UBE2E2: variants seen among roughly 807,000 people sequenced by gnomAD.
UBE2E2 encodes ubiquitin conjugating enzyme E2 E2.
Under a neutral mutation model 24.7 loss-of-function variants are expected in UBE2E2, and 6 were observed. That is an observed-to-expected ratio of 0.24 (90% CI 0.13 to 0.48). The LOEUF is 0.48. Among genes scored for constraint, UBE2E2 ranks in the 20% least tolerant of loss-of-function variants. UBE2E2 has a pLI of 0.99. For synonymous variants in UBE2E2, 104 were observed against 83.6 expected (o/e 1.24, Z -1.33); for missense variants, 169 against 245.0 (o/e 0.69, Z 2.07).
chr3:23,494,471 A>T (rs1337695167), intron 3 of UBE2E2, among the ~76,000 whole-genome samples: 1 of 152,224 alleles, frequency 6.6e-6, no homozygotes, highest in Non-Finnish European at 1.5e-5. Flanking sequence ...TATTTTACAC[A>T]TACAGCACAT....
rs1023608299 is a variant in UBE2E2 at position 23,540,407 on chromosome 3, T to C, written c.508+7706T>C. Among the ~76,000 whole-genome samples the C allele has an allele frequency of 3.7e-4, 56 of 151,876 alleles. 1 individual carries two copies. Among genetic ancestry groups the C allele is most frequent in the Admixed American group, 3.2e-3 (48 of 15,238 alleles). On this transcript the variant is annotated intron_variant, in intron 5 of 5. Coordinates refer to ENST00000396703, the MANE Select transcript of UBE2E2 (RefSeq NM_152653.4). Reference sequence around the variant, plus strand: ...ATGCCCTTTTGTTTGTTTGTTTGTTTGTTTGTTTGTTTGTTTTGAGACAGT... The same window carrying C: ...ATGCCCTTTTGTTTGTTTGTTTGTTCGTTTGTTTGTTTGTTTTGAGACAGT...
intron 3 of UBE2E2, among the ~76,000 whole-genome samples, chr3:23,478,046 A>C (rs1699177147): frequency 6.6e-6 from 1 of 152,252 alleles, no homozygotes; most frequent in Non-Finnish European, 1.5e-5. Flanking sequence ...TCTCCTCCAT[A>C]AATTACCCAA....
intron 3 of UBE2E2, among the ~76,000 whole-genome samples, chr3:23,267,251 T>G (rs1192359044): frequency 5.3e-5 from 8 of 150,612 alleles, no homozygotes; most frequent in East Asian, 1.9e-4. Context: ...CTTCAAAAAA[T>G]AAATGAATCC....
intron 3 of UBE2E2, among the ~76,000 whole-genome samples, chr3:23,355,655 C>G (rs1275468915): frequency 6.6e-6 from 1 of 152,102 alleles, no homozygotes; most frequent in Non-Finnish European, 1.5e-5. Context: ...TTGTGGCTGA[C>G]CAGTTTATAC....
chr3:23,580,979 T>C (rs781302573), intron 5 of UBE2E2, among the ~76,000 whole-genome samples: 29 of 152,208 alleles, frequency 1.9e-4, no homozygotes, highest in Non-Finnish European at 2.6e-4. Context: ...TAACGTCAGA[T>C]CTGATTCATG....
intron 3 of UBE2E2, among the ~76,000 whole-genome samples, chr3:23,472,275 C>T (rs1424091338): frequency 1.3e-5 from 2 of 152,204 alleles, no homozygotes; most frequent in East Asian, 3.9e-4. Context: ...TCAAATATTG[C>T]TCACATGAGC....
intron 3 of UBE2E2, among the ~76,000 whole-genome samples, chr3:23,291,994 G>T (rs1001929908): frequency 1.3e-5 from 2 of 151,676 alleles, no homozygotes; most frequent in Non-Finnish European, 2.9e-5. Flanking sequence ...GAGTAGCTGG[G>T]ACTACAGGCG....
chr3:23,476,414 G>T (rs1409853006), intron 3 of UBE2E2, among the ~76,000 whole-genome samples: 1 of 152,072 alleles, frequency 6.6e-6, no homozygotes, highest in Admixed American at 6.5e-5. Context: ...ATTTACTCAG[G>T]CCAGGTGCAG....
intron 3 of UBE2E2, among the ~76,000 whole-genome samples, chr3:23,388,735 A>G (rs1268357228): frequency 1.3e-5 from 2 of 152,186 alleles, no homozygotes; most frequent in Non-Finnish European, 2.9e-5. Flanking sequence ...GGCCAGGCAC[A>G]GTGGCTCACG....
chr3:23,242,555 C>T (rs1023381347), intron 3 of UBE2E2, among the ~76,000 whole-genome samples: 5 of 151,878 alleles, frequency 3.3e-5, no homozygotes, highest in African/African-American at 1.2e-4. Flanking sequence ...ACCATTTTAC[C>T]AGAATCTGTA....
chr3:23,467,479 G>A lies in UBE2E2; in HGVS notation c.228-32129G>A, dbSNP rs1284857321. On this transcript the variant is annotated intron_variant, in intron 3 of 5. Coordinates refer to ENST00000396703, the MANE Select transcript of UBE2E2 (RefSeq NM_152653.4). ...GCTCTATGACTTTGAGCAAATTGGC[G>A]CCTGACTGAGCCTCAGTTACACAAA... Among the ~76,000 whole-genome samples the A allele has an allele frequency of 5.3e-5, 8 of 152,166 alleles. No homozygotes were observed. In the East Asian group the frequency reaches 7.7e-4, roughly 15 times the overall value.
chr3:23,227,804 G>C (rs1437947532), intron 3 of UBE2E2, among the ~76,000 whole-genome samples: 1 of 152,178 alleles, frequency 6.6e-6, no homozygotes, highest in African/African-American at 2.4e-5. Flanking sequence ...GCATGGTCTT[G>C]CCTTATGTTC....
At chr3:23,495,167 A>G (rs1280029515) in intron 3 of UBE2E2, among the ~76,000 whole-genome samples, 1 of 152,248 alleles carries the variant, frequency 6.6e-6, no homozygotes, top group Non-Finnish European at 1.5e-5. Context: ...CAGAGTGATA[A>G]TATTAGCTGT....
intron 3 of UBE2E2, among the ~76,000 whole-genome samples, chr3:23,351,310 A>G (rs1048159550): frequency 3.3e-5 from 5 of 152,262 alleles, no homozygotes; most frequent in Non-Finnish European, 7.3e-5. Context: ...CATCAAGGCT[A>G]GGAAGAAACT....
chr3:23,236,105 G>T (rs1697100231), intron 3 of UBE2E2, among the ~76,000 whole-genome samples: 1 of 152,230 alleles, frequency 6.6e-6, no homozygotes, highest in South Asian at 2.1e-4. Flanking sequence ...TAAGGAGTTT[G>T]CCATCTAGGG....
intron 3 of UBE2E2, among the ~76,000 whole-genome samples, chr3:23,475,126 G>A (rs981882299): frequency 4.6e-5 from 7 of 151,884 alleles, no homozygotes; most frequent in Admixed American, 3.3e-4. Context: ...GTTTCCTCTT[G>A]TCTGGTTGCT....
At chr3:23,260,783 C>A (rs1188707008) in intron 3 of UBE2E2, among the ~76,000 whole-genome samples, 2 of 152,096 alleles carry the variant, frequency 1.3e-5, no homozygotes, top group Non-Finnish European at 2.9e-5. Flanking sequence ...CAGAGTGAAA[C>A]CCTGTCTCAG....
intron 4 of UBE2E2, among the ~76,000 whole-genome samples, chr3:23,530,345 C>G (rs4574222): frequency 0.029 from 4,399 of 152,212 alleles, 107 homozygotes; most frequent in East Asian, 0.13. Context: ...GAAAATGTCC[C>G]TCTTTGATTA....
chr3:23,490,081 G>A (rs950191288), intron 3 of UBE2E2, among the ~76,000 whole-genome samples: 1 of 152,154 alleles, frequency 6.6e-6, no homozygotes, highest in African/African-American at 2.4e-5. Context: ...TTATAATTCA[G>A]TATTTTAATT....
Sources: allele counts gnomAD v4.1 joint callset (sites outside exome capture counted in the v4.1 genomes callset), GRCh38; gene constraint gnomAD v4.1.1; transcripts MANE v1.5; gene names NCBI Gene and HGNC (gene_info 2026-07-23, HGNC 2026-07-21).